The following CNTNAP2 variants were observed in gnomAD, a reference collection of about 807,000 sequenced individuals.
CNTNAP2 encodes contactin associated protein 2, also known as contactin-associated protein-like 2.
CNTNAP2 carries 98 observed loss-of-function variants against 155.2 expected under a neutral mutation model. That is an observed-to-expected ratio of 0.63 (90% CI 0.54 to 0.75). The LOEUF (loss-of-function observed/expected upper bound fraction) is 0.75. Ranked by LOEUF, CNTNAP2 falls within the 30% of genes least tolerant of loss-of-function variation. CNTNAP2 has a pLI of 0.00. For synonymous variants in CNTNAP2, 651 were observed against 631.2 expected (o/e 1.03, Z -0.47); for missense variants, 1,727 against 1,688.1 (o/e 1.02, Z -0.40).
intron 2 of CNTNAP2, among the ~76,000 whole-genome samples, chr7:146,790,504 T>A (rs1250560659): frequency 6.6e-6 from 1 of 152,108 alleles, no homozygotes; most frequent in Non-Finnish European, 1.5e-5. Flanking sequence ...TAGGGATGTT[T>A]ATTGGATACG....
chr7:147,580,460 A>C (rs1034685738), intron 12 of CNTNAP2, among the ~76,000 whole-genome samples: 1 of 152,190 alleles, frequency 6.6e-6, no homozygotes, highest in Admixed American at 6.6e-5. Context: ...ATGTTTTGAC[A>C]GTCCATACTT....
intron 1 of CNTNAP2, among the ~76,000 whole-genome samples, chr7:146,232,219 A>T (rs1799397255): frequency 1.3e-5 from 2 of 151,946 alleles, no homozygotes; most frequent in Admixed American, 1.3e-4. Flanking sequence ...GTATATAAAA[A>T]AGACAATTTA....
At chr7:146,562,150 A>T (rs1168747570) in intron 1 of CNTNAP2, among the ~76,000 whole-genome samples, 1 of 152,094 alleles carries the variant, frequency 6.6e-6, no homozygotes, top group African/African-American at 2.4e-5. Flanking sequence ...TCCACTGACC[A>T]CTTAAACAGA....
intron 1 of CNTNAP2, among the ~76,000 whole-genome samples, chr7:146,534,576 A>G (rs979149412): frequency 6.6e-6 from 1 of 152,124 alleles, no homozygotes; most frequent in Non-Finnish European, 1.5e-5. Flanking sequence ...ATGCTCAGTA[A>G]TCTAACGGGG....
At chr7:146,898,779 C>G (rs535768062) in intron 3 of CNTNAP2, among the ~76,000 whole-genome samples, 1 of 151,610 alleles carries the variant, frequency 6.6e-6, no homozygotes, top group Admixed American at 6.6e-5. Context: ...TGAGTACATG[C>G]AATGAAAAAA....
chr7:147,918,407 T>C (rs1364919430), intron 14 of CNTNAP2, among the ~76,000 whole-genome samples: 4 of 152,240 alleles, frequency 2.6e-5, no homozygotes, highest in Non-Finnish European at 5.9e-5. Flanking sequence ...TTAGTTCACA[T>C]AGCAAAAATT....
intron 1 of CNTNAP2, among the ~76,000 whole-genome samples, chr7:146,662,233 G>C (rs1425357200): frequency 1.3e-5 from 2 of 152,012 alleles, no homozygotes; most frequent in Non-Finnish European, 2.9e-5. Context: ...CACCTCCCGG[G>C]TTCAAGCGAT....
At chr7:146,291,348 ATGAT>A (rs1422644759) in intron 1 of CNTNAP2, among the ~76,000 whole-genome samples, 8 of 152,192 alleles carry the variant, frequency 5.3e-5, no homozygotes, top group Admixed American at 1.3e-4. Flanking sequence ...AAATTTATAA[ATGAT>A]TGAAAGAATA....
chr7:148,110,721 C>T (rs1293746773), intron 15 of CNTNAP2, among the ~76,000 whole-genome samples: 1 of 152,138 alleles, frequency 6.6e-6, no homozygotes, highest in Non-Finnish European at 1.5e-5. Context: ...GGCGGAACGT[C>T]TATGTGAGGG....
chr7:146,800,966 G>A (rs1013157834), intron 2 of CNTNAP2, among the ~76,000 whole-genome samples: 16 of 152,156 alleles, frequency 1.1e-4, no homozygotes, highest in African/African-American at 3.9e-4. Context: ...GGAAGAATAA[G>A]GAGAGTCTGA....
At chr7:148,083,441 G>A (rs563989089) in intron 15 of CNTNAP2, among the ~76,000 whole-genome samples, 1 of 152,262 alleles carries the variant, frequency 6.6e-6, no homozygotes, top group East Asian at 1.9e-4. Context: ...CATTCCGAGG[G>A]TGGGAGTGAA....
chr7:147,676,249 T>A (rs1191099068), intron 13 of CNTNAP2, among the ~76,000 whole-genome samples: 4 of 152,010 alleles, frequency 2.6e-5, no homozygotes, highest in African/African-American at 9.7e-5. Flanking sequence ...AAGAATTAAA[T>A]GGAAAAAAAT....
chr7:147,402,503 T>C (rs556626421), intron 10 of CNTNAP2, among the ~76,000 whole-genome samples: 6 of 152,178 alleles, frequency 3.9e-5, no homozygotes, highest in Admixed American at 2.0e-4. Flanking sequence ...GGTTTTAGCA[T>C]TGAGAGTCCT....
intron 9 of CNTNAP2, among the ~76,000 whole-genome samples, chr7:147,335,509 C>T (rs767747880): frequency 3.9e-5 from 6 of 152,020 alleles, no homozygotes; most frequent in African/African-American, 7.2e-5. Flanking sequence ...AATCCACTAT[C>T]ATAGAGAAAA....
chr7:148,254,637 T>A (rs980646360), intron 20 of CNTNAP2, among the ~76,000 whole-genome samples: 13 of 151,898 alleles, frequency 8.6e-5, no homozygotes, highest in Non-Finnish European at 1.9e-4. Flanking sequence ...TTAGCCAGGC[T>A]TGGTGGCGGG....
chr7:146,486,363 C>A (rs1381775978), intron 1 of CNTNAP2, among the ~76,000 whole-genome samples: 1 of 151,832 alleles, frequency 6.6e-6, no homozygotes, highest in Non-Finnish European at 1.5e-5. Flanking sequence ...AGCGCCCAGC[C>A]ACCACAGCAG....
At chr7:146,477,112 A>G (rs1796888908) in intron 1 of CNTNAP2, among the ~76,000 whole-genome samples, 1 of 152,206 alleles carries the variant, frequency 6.6e-6, no homozygotes, top group East Asian at 1.9e-4. Flanking sequence ...GTTTTCAATT[A>G]GTTAATATAA....
At chr7:147,702,193 G>T (rs189354822) in intron 13 of CNTNAP2, among the ~76,000 whole-genome samples, 1 of 151,796 alleles carries the variant, frequency 6.6e-6, no homozygotes, top group African/African-American at 2.4e-5. Context: ...TCTCTCGTCG[G>T]ATCCACCTCT....
At chr7:147,257,664 C>T (rs994546638) in intron 8 of CNTNAP2, among the ~76,000 whole-genome samples, 15 of 152,088 alleles carry the variant, frequency 9.9e-5, no homozygotes, top group Admixed American at 5.9e-4. Context: ...TTTAAAATGA[C>T]GCTAGGAAAT....
Sources: gnomAD v4.1 joint callset for allele counts (sites outside exome capture counted in the v4.1 genomes callset) on GRCh38, gnomAD v4.1.1 for gene constraint, MANE v1.5 for transcripts, NCBI Gene and HGNC (gene_info 2026-07-23, HGNC 2026-07-21) for gene names.